FBXO16: variants seen among roughly 807,000 people sequenced by gnomAD.
FBXO16 encodes F-box protein 16, also known as F-box only protein 16.
FBXO16 carries 31 observed loss-of-function variants against 41.0 expected under a neutral mutation model. The ratio of observed to expected loss-of-function variants is 0.76; its 90% CI spans 0.57 to 1.02. The LOEUF (loss-of-function observed/expected upper bound fraction) is 1.02, where lower values mean the gene tolerates loss of function less well. Ranked by LOEUF, FBXO16 falls within the 50% of genes least tolerant of loss-of-function variation. The pLI is 0.00. For synonymous variants in FBXO16, 133 were observed against 117.8 expected, an observed-to-expected ratio of 1.13 and a Z score of -0.84; for missense variants, 361 against 346.2, an observed-to-expected ratio of 1.04 and a Z score of -0.34.
chr8:28,433,045 A>G (rs1412871052), intron 7 of FBXO16, among the ~76,000 whole-genome samples: 1 of 149,710 alleles, frequency 6.7e-6, no homozygotes, highest in Non-Finnish European at 1.5e-5. Flanking sequence ...TCGGCGACAG[A>G]GTGAGACTTC....
intron 6 of FBXO16, 91 bp from the exon 7 acceptor site, chr8:28,447,364 T>G (rs988282471): frequency 9.9e-6 from 11 of 1,110,490 alleles, no homozygotes; most frequent in Non-Finnish European, 1.2e-5. Context: ...AGTTTGTTGT[T>G]CCTGTGATTT....
intron 7 of FBXO16, among the ~76,000 whole-genome samples, chr8:28,439,606 G>A (rs958057703): frequency 2.0e-4 from 31 of 152,012 alleles, no homozygotes; most frequent in African/African-American, 6.3e-4. Context: ...CAATTAGCCA[G>A]ACTTGGTGGT....
chr8:28,458,202 A>T (rs1293225504), intron 4 of FBXO16, among the ~76,000 whole-genome samples: 1 of 152,002 alleles, frequency 6.6e-6, no homozygotes, highest in South Asian at 2.1e-4. Flanking sequence ...TTTTTCTATT[A>T]CTCTCTGCCT....
At chr8:28,459,970 G>A (rs998728515) in intron 4 of FBXO16, among the ~76,000 whole-genome samples, 8 of 151,678 alleles carry the variant, frequency 5.3e-5, no homozygotes, top group African/African-American at 1.9e-4. Flanking sequence ...AGGTTGCAGT[G>A]AGCCGAGATT....
intron 4 of FBXO16, 139 bp downstream of exon 4, chr8:28,463,473 T>A (rs1276419204): frequency 1.3e-6 from 1 of 788,272 alleles, no homozygotes; most frequent in East Asian, 2.7e-5. Flanking sequence ...TGTCTAAGTG[T>A]ACATTTGTGT....
intron 6 of FBXO16, among the ~76,000 whole-genome samples, chr8:28,449,969 C>A (rs1187680004): frequency 4.2e-3 from 417 of 100,384 alleles, no homozygotes; most frequent in South Asian, 7.0e-3. Context: ...AAGACTGTCT[C>A]AAAAAAAAAA....
intron 3 of FBXO16, 116 bp downstream of exon 3, chr8:28,473,656 T>G: frequency 1.1e-6 from 1 of 880,832 alleles, no homozygotes; most frequent in Non-Finnish European, 1.8e-6. Flanking sequence ...TCTATCCAAG[T>G]TGAGTAAAAT....
intron 1 of FBXO16, among the ~76,000 whole-genome samples, chr8:28,487,200 G>GT (rs1402122468): frequency 6.6e-6 from 1 of 151,960 alleles, no homozygotes; most frequent in Non-Finnish European, 1.5e-5. Context: ...GATGGGCCTG[G>GT]CCCCAGGAAG....
intron 5 of FBXO16, among the ~76,000 whole-genome samples, chr8:28,456,152 T>C (rs1803034805): frequency 6.6e-6 from 1 of 152,160 alleles, no homozygotes; most frequent in Non-Finnish European, 1.5e-5. Flanking sequence ...TAGCTGGGAC[T>C]ATACGAATGA....
chr8:28,433,039 C>T (rs1466960844), intron 7 of FBXO16, among the ~76,000 whole-genome samples: 5 of 148,734 alleles, frequency 3.4e-5, no homozygotes, highest in Admixed American at 6.8e-5. Flanking sequence ...CCAGCCTCGG[C>T]GACAGAGTGA....
At chr8:28,450,944 A>T (rs889045507) in intron 6 of FBXO16, among the ~76,000 whole-genome samples, 1 of 152,164 alleles carries the variant, frequency 6.6e-6, no homozygotes, top group Non-Finnish European at 1.5e-5. Context: ...AAAAATAATA[A>T]TTTTTTAAAA....
At chr8:28,435,170 G>GA (rs1178810871) in intron 7 of FBXO16, among the ~76,000 whole-genome samples, 1 of 124,152 alleles carries the variant, frequency 8.1e-6, no homozygotes, top group Non-Finnish European at 1.5e-5. Context: ...GATGAGGGCA[G>GA]ATTTTTTTTT....
intron 3 of FBXO16, among the ~76,000 whole-genome samples, chr8:28,472,701 CA>C (rs1362881580): frequency 6.6e-6 from 1 of 152,074 alleles, no homozygotes; most frequent in African/African-American, 2.4e-5. Flanking sequence ...TCCGAGATGG[CA>C]CCATTACACT....
chr8:28,482,587 T>C (rs956692902), intron 2 of FBXO16, among the ~76,000 whole-genome samples: 3 of 152,148 alleles, frequency 2.0e-5, no homozygotes, highest in Admixed American at 6.5e-5. Context: ...GTTGTTGTTG[T>C]TGAGACAGAG....
At chr8:28,486,896 T>C (rs1270254901) in intron 1 of FBXO16, among the ~76,000 whole-genome samples, 1 of 152,064 alleles carries the variant, frequency 6.6e-6, no homozygotes, top group African/African-American at 2.4e-5. Context: ...TCTTAAGAGC[T>C]ACATGGCTCT....
At chr8:28,459,958 G>A (rs1039889349) in intron 4 of FBXO16, among the ~76,000 whole-genome samples, 3 of 151,450 alleles carry the variant, frequency 2.0e-5, no homozygotes, top group Non-Finnish European at 2.9e-5. Flanking sequence ...CCCGGGAGGC[G>A]GAGGTTGCAG....
At position 28,460,285 on chromosome 8, in the gene FBXO16, G is replaced by A. The variant is rs530039862; in HGVS notation, c.342+3327C>T. ...TTTTTTTGAGACAAAGTCTCACCCT[G>A]TTGCTCAGGCTGGAGTGCAGAGGCA... On this transcript the variant is annotated intron_variant, in intron 4 of 8. Transcript: ENST00000380254. Among the ~76,000 whole-genome samples the A allele has an allele frequency of 1.0e-4, 11 of 109,182 alleles. No individual in the cohort carries two copies. In the East Asian group the frequency reaches 2.8e-3, roughly 28 times the overall value. 71.6% of individuals were successfully genotyped at this position (109,182 alleles called of 152,430 possible). A position where few individuals can be genotyped will look rare whatever the true frequency, so the allele number is the denominator to read the frequency against.
intron 5 of FBXO16, 163 bp downstream of exon 5, chr8:28,456,602 TG>T: frequency 1.2e-6 from 1 of 827,446 alleles, no homozygotes; most frequent in East Asian, 2.5e-5. Context: ...ATGAATGTCT[TG>T]AAAACAACTA....
rs71549666 is a variant in FBXO16 at position 28,444,779 on chromosome 8, C to CTT, written c.843+2390_843+2391dup. On this transcript the variant is annotated intron_variant, in intron 7 of 8. Transcript: ENST00000380254. ...ACAGGTGTGAGCCACCGCGCCCGGACTTTTTTTTTTTTTTTTTTTTTTTTT... is the reference window on the plus strand; with the variant it reads ...ACAGGTGTGAGCCACCGCGCCCGGACTTTTTTTTTTTTTTTTTTTTTTTTTTT... 8.4e-3 allele frequency among the ~76,000 whole-genome samples: 260 copies of CTT among 30,812 alleles called. 56 individuals are homozygous for CTT. The highest frequency in any genetic ancestry group is 0.023 in the African/African-American group (153 of 6,694). The allele number at this position is 30,812 out of a possible 152,430, so 20.2% of individuals were successfully genotyped here.
Sources: gnomAD v4.1 joint callset for allele counts (sites outside exome capture counted in the v4.1 genomes callset) on GRCh38, gnomAD v4.1.1 for gene constraint, MANE v1.5 for transcripts, NCBI Gene and HGNC (gene_info 2026-07-23, HGNC 2026-07-21) for gene names.